The following GRAMD1A variants were observed in gnomAD, a reference collection of about 807,000 sequenced individuals.
GRAMD1A encodes protein Aster-A.
A neutral mutation model predicts 92.0 loss-of-function variants in GRAMD1A; 50 were observed. The ratio of observed to expected loss-of-function variants is 0.54; its 90% CI spans 0.43 to 0.69. The LOEUF is 0.69. Among genes scored for constraint, GRAMD1A ranks in the 30% least tolerant of loss-of-function variants. GRAMD1A has a pLI of 0.00. For synonymous variants in GRAMD1A, 405 were observed against 403.6 expected (o/e 1.00, Z -0.04); for missense variants, 819 against 978.9 (o/e 0.84, Z 2.18).
At position 35,025,771 on chromosome 19, in the gene GRAMD1A, C is replaced by T. The variant is rs947005234; in HGVS notation, c.2083-278C>T. 3.9e-5 allele frequency among the ~76,000 whole-genome samples: 6 copies of T among 152,080 alleles called. No homozygotes were observed. The South Asian group carries it at 6.2e-4, about 16-fold the overall frequency. ...AGGGGATTTTGGCTCAGGGTGGTTA[C>T]GGGACTTGCCTGAGGTTAACTGAGG... On this transcript the variant is annotated intron_variant, in intron 19 of 19. Transcript: ENST00000317991.
At chr19:35,007,251 G>T (rs2014886948) in intron 1 of GRAMD1A, among the ~76,000 whole-genome samples, 1 of 152,156 alleles carries the variant, frequency 6.6e-6, no homozygotes, top group Non-Finnish European at 1.5e-5. Context: ...AGGGAGAAAT[G>T]GGTATAATAA....
rs1262937452 is a variant in GRAMD1A at position 35,021,833 on chromosome 19, C to A, written c.1722C>A (p.Asp574Glu). 3.7e-6 allele frequency: 6 copies of A among 1,604,696 alleles called. No homozygotes were observed. The East Asian group carries it at 8.9e-5, about 24-fold the overall frequency. ...HGDGPQHPDPDPCARAGIHTS... is the reference protein window; with the variant it reads ...HGDGPQHPDPEPCARAGIHTS... ...ACGGGCCCCAGCACCCAGATCCTGA[C>A]CCCTGTGCCCGGGCCGGCATTCACA... Residue 574 changes from aspartate to glutamate, a missense_variant, in exon 15 of 20, where the codon GAC becomes GAA. Around this residue, in one of 3 missense-constraint regions of GRAMD1A, gnomAD observed 577 missense variants for 674.6 expected, o/e 0.86. Transcript: ENST00000317991. This position sits in a 1 kb window ranked among gnomAD's most constrained non-coding sequence, Gnocchi z 5.3.
chr19:35,009,879 C>CT lies in GRAMD1A; in HGVS notation c.241-7dup. 6.3e-7 allele frequency: 1 copy of CT among 1,583,492 alleles called. No individual in the cohort carries two copies. Among genetic ancestry groups the CT allele is most frequent in the Non-Finnish European group, 8.7e-7 (1 of 1,152,122 alleles). On this transcript the variant is annotated splice_polypyrimidine_tract_variant and intron_variant, in intron 3 of 19. Coordinates refer to ENST00000317991, the MANE Select transcript of GRAMD1A (RefSeq NM_020895.5). ...CCCATCCAGGTTCTCACCTCTCAAA[C>CT]TTCCTCAGATGCTGAGCCCCACTTA...
At position 35,011,559 on chromosome 19, in the gene GRAMD1A, G is replaced by C. The variant is rs1261825326; in HGVS notation, c.606+5G>C. 3 of 1,604,952 alleles carry C rather than the reference G, an allele frequency of 1.9e-6. No homozygotes were observed. The South Asian group carries it at 3.3e-5, about 18-fold the overall frequency. On this transcript the variant is annotated splice_donor_5th_base_variant and intron_variant, in intron 7 of 19. Coordinates refer to ENST00000317991, the MANE Select transcript of GRAMD1A (RefSeq NM_020895.5). ...CAGAATGCACTGCTTGAAAAGGTGG[G>C]CCTGGGTGAGGCCCGGGTGGGGATG...
At chr19:35,017,171 T>TG (rs1568332821) in intron 11 of GRAMD1A, among the ~76,000 whole-genome samples, 3 of 131,836 alleles carry the variant, frequency 2.3e-5, no homozygotes, top group African/African-American at 8.1e-5. Context: ...AGAGACTCCA[T>TG]TAAAAAAAAA....
Position 35,000,578 on chromosome 19 carries a change from C to T in GRAMD1A, c.8+92C>T, listed in dbSNP as rs1480226020. On this transcript the variant is annotated intron_variant, in intron 1 of 19. Coordinates refer to ENST00000317991, the MANE Select transcript of GRAMD1A (RefSeq NM_020895.5). This position sits in a 1 kb window ranked among gnomAD's most constrained non-coding sequence, Gnocchi z 4.9. Reference sequence around the variant, plus strand: ...CCGCGGGCTTGGGGAGGGGGCGGAGCGGCCGCTGCAGAGGTCGGGGGCCTC... The same window carrying T: ...CCGCGGGCTTGGGGAGGGGGCGGAGTGGCCGCTGCAGAGGTCGGGGGCCTC... The T allele has an allele frequency of 9.5e-6, 8 of 841,074 alleles. No individual in the cohort carries two copies. The highest frequency in any genetic ancestry group is 8.9e-5 in the East Asian group (1 of 11,248). The allele number at this position is 841,074 out of a possible 1,614,324, so 52.1% of individuals were successfully genotyped here. A position where few individuals can be genotyped will look rare whatever the true frequency, so the allele number is the denominator to read the frequency against.
At chr19:35,026,021 C>T (rs375537463) in intron 19 of GRAMD1A, 28 bp from the exon 20 acceptor site, 1 of 1,250,438 alleles carries the variant, frequency 8.0e-7, no homozygotes, top group African/African-American at 1.5e-5. Flanking sequence ...AGCGTTCACC[C>T]CCGACCCTGC....
chr19:34,995,571 GTTTTTTTTTTTTT>G (rs59556577), upstream of GRAMD1A, among the ~76,000 whole-genome samples: 1 of 93,650 alleles, frequency 1.1e-5, no homozygotes, highest in Non-Finnish European at 2.2e-5. Flanking sequence ...CAGATCACGG[GTTTTTTTTTTTTT>G]TTTTTTTTTT....
intron 1 of GRAMD1A, chr19:35,005,907 G>T: frequency 2.2e-6 from 1 of 456,272 alleles, no homozygotes; most frequent in South Asian, 1.5e-5. Context: ...TGGACAGACA[G>T]AATGGCATAT....
At chr19:35,000,187 C>G (rs1371578057), upstream of GRAMD1A, 2 of 1,013,592 alleles carry the variant, frequency 2.0e-6, no homozygotes, top group South Asian at 9.3e-5. The surrounding 1 kb of genome is among the most constrained non-coding windows in gnomAD (Gnocchi z 4.9). Flanking sequence ...CCTCTCTCCC[C>G]GGCTTCTCCC....
upstream of GRAMD1A, chr19:35,000,299 G>A (rs1337374204): frequency 5.8e-6 from 6 of 1,038,374 alleles, no homozygotes; most frequent in Non-Finnish European, 6.9e-6. This position sits in a 1 kb window ranked among gnomAD's most constrained non-coding sequence, Gnocchi z 4.9. Flanking sequence ...CGCTGACGCC[G>A]CGGCGGCCTC....
intron 6 of GRAMD1A, among the ~76,000 whole-genome samples, chr19:35,011,133 C>T (rs1161182845): frequency 1.3e-5 from 2 of 151,238 alleles, no homozygotes; most frequent in East Asian, 3.9e-4. Flanking sequence ...ATCAACTGAC[C>T]ATTCTTAGTG....
chr19:35,017,193 GGCCTCCCCAGAA>G (rs1339719686), intron 11 of GRAMD1A, among the ~76,000 whole-genome samples: 4 of 151,778 alleles, frequency 2.6e-5, no homozygotes, highest in African/African-American at 9.7e-5. Flanking sequence ...ATGCTCCTGA[GGCCTCCCCAGAA>G]GCCGAGCAGA....
chr19:35,016,120 C>T (rs2015613941), intron 11 of GRAMD1A, among the ~76,000 whole-genome samples, 153 bp downstream of exon 11: 1 of 152,198 alleles, frequency 6.6e-6, no homozygotes, highest in Admixed American at 6.5e-5. Flanking sequence ...AGCTCTGCCA[C>T]TTACTAGCTG....
At chr19:35,015,350 C>G (rs1321926536) in intron 10 of GRAMD1A, 1 of 154,558 alleles carries the variant, frequency 6.5e-6, no homozygotes, top group Non-Finnish European at 1.4e-5. Context: ...CAGCCCTGCC[C>G]CAGACCAGCC....
chr19:35,023,887 T>G, intron 19 of GRAMD1A: 1 of 203,210 alleles, frequency 4.9e-6, no homozygotes. Flanking sequence ...AGGCCACCCT[T>G]TTCCCCCCAC....
rs773594716 is a variant in GRAMD1A, at chr19:35,019,288, C to T, written c.1311C>T (p.Ser437=). ...TCAGCAACCCACTGGGCCCCAAGAG[C>T]GCCTCCGTGGTGGAGACACAGGTGG... ...IPISNPLGPK[S]ASVVETQTLF... is the part of the protein sequence containing the mutation. The change falls in exon 12 of 20, where the codon AGC becomes AGT. Residue 437 remains serine, a synonymous_variant. Transcript: ENST00000317991. 15 of 1,612,966 alleles carry T rather than the reference C, an allele frequency of 9.3e-6. No homozygotes were observed. The highest frequency in any genetic ancestry group is 8.8e-5 in the South Asian group (8 of 91,032).
rs373843325 is a variant in GRAMD1A, at chr19:35,010,099, C to T, written c.333C>T (p.Ser111=). Residue 111 remains serine, a synonymous_variant, in exon 5 of 20, where the codon TCC becomes TCT. Coordinates refer to ENST00000317991, the MANE Select transcript of GRAMD1A (RefSeq NM_020895.5). ...TCTCCCCGCCCCTCTCAGATTACTC[C>T]TGCGCCCTGCAGCGTGAGATCCTGC... ...PEAERLIVDY[S]CALQREILLQ... 5.0e-6 allele frequency: 8 copies of T among 1,608,410 alleles called. No individual in the cohort carries two copies. Among genetic ancestry groups the T allele is most frequent in the South Asian group, 1.1e-5 (1 of 90,990 alleles).
chr19:35,003,503 C>T (rs919086887), intron 1 of GRAMD1A, among the ~76,000 whole-genome samples: 1 of 152,154 alleles, frequency 6.6e-6, no homozygotes, highest in African/African-American at 2.4e-5. Context: ...TTTGCCCAGC[C>T]CTGGAGCAAA....
Sources: gnomAD v4.1 joint callset for allele counts (sites outside exome capture counted in the v4.1 genomes callset) on GRCh38, gnomAD v4.1.1 for gene constraint, gnomAD v4.1.1 regional missense constraint, Gnocchi (gnomAD v3.1) non-coding constraint, MANE v1.5 for transcripts, NCBI Gene and HGNC (gene_info 2026-07-23, HGNC 2026-07-21) for gene names.